Variants in CFAP69 observed in about 807,000 individuals in gnomAD.
CFAP69 encodes cilia and flagella associated protein 69, also known as cilia- and flagella-associated protein 69.
In CFAP69, 92 loss-of-function variants were observed where a neutral mutation model predicts 123.0. That is an observed-to-expected ratio of 0.75 (90% CI 0.63 to 0.89). The LOEUF is 0.89. Among genes scored for constraint, CFAP69 ranks in the 40% least tolerant of loss-of-function variants. The probability of loss-of-function intolerance (pLI) is 0.00; values close to 1 mark genes in which losing one functional copy is unlikely to be tolerated. For synonymous variants in CFAP69, 380 were observed against 364.3 expected, an observed-to-expected ratio of 1.04 and a Z score of -0.49; for missense variants, 1,067 against 1,096.9, an observed-to-expected ratio of 0.97 and a Z score of 0.39.
At chr7:90,296,110 C>T (rs1163875505) in intron 15 of CFAP69, among the ~76,000 whole-genome samples, 1 of 152,172 alleles carries the variant, frequency 6.6e-6, no homozygotes, top group African/African-American at 2.4e-5. Flanking sequence ...CCTTATTTCA[C>T]CCAGCCCCTA....
At chr7:90,282,397 C>A (rs955907735) in intron 12 of CFAP69, among the ~76,000 whole-genome samples, 4 of 152,066 alleles carry the variant, frequency 2.6e-5, no homozygotes, top group Non-Finnish European at 5.9e-5. Flanking sequence ...TGTATAAACA[C>A]CTTGGAAAAC....
chr7:90,288,540 G>C (rs1179614609), intron 15 of CFAP69, among the ~76,000 whole-genome samples, 188 bp downstream of exon 15: 1 of 152,096 alleles, frequency 6.6e-6, no homozygotes, highest in Non-Finnish European at 1.5e-5. Context: ...TAGCCTAAAG[G>C]CTACAAACTG....
At chr7:90,245,626 A>G in intron 1 of CFAP69, 82 bp downstream of exon 1, 1 of 1,410,154 alleles carries the variant, frequency 7.1e-7, no homozygotes, top group Non-Finnish European at 9.3e-7. Flanking sequence ...GGGGGTGGCA[A>G]GGGTGGAACT....
chr7:90,288,462 A>G, intron 15 of CFAP69, 110 bp downstream of exon 15: 1 of 1,264,008 alleles, frequency 7.9e-7, no homozygotes, highest in Non-Finnish European at 1.1e-6. Context: ...CATCTTATGC[A>G]AACATTATAG....
At position 90,282,957 on chromosome 7, in the gene CFAP69, A is replaced by G. The variant is rs900141105; in HGVS notation, c.1438A>G (p.Met480Val). 1.2e-6 allele frequency: 2 copies of G among 1,600,562 alleles called. No individual in the cohort carries two copies. The highest frequency in any genetic ancestry group is 1.7e-5 in the Admixed American group (1 of 57,662). Residue 480 changes from methionine to valine, a missense_variant, in exon 13 of 23, where the codon ATG becomes GTG. Met to Val is a conservative substitution (Grantham distance 21, BLOSUM62 1). Transcript: ENST00000389297. ...TGGCCGAGGCAACAAGTTTGCCCAG[A>G]TGCGTTACAGTTTAAGACTCCTGAG... ...TGGRGNKFAQ[M>V]RYSLRLLRAV...
At chr7:90,267,732 C>T (rs1159067857) in intron 5 of CFAP69, among the ~76,000 whole-genome samples, 1 of 152,126 alleles carries the variant, frequency 6.6e-6, no homozygotes, top group Non-Finnish European at 1.5e-5. Context: ...GCAAAGAATG[C>T]ATTAGTAAAG....
downstream of CFAP69, among the ~76,000 whole-genome samples, chr7:90,311,706 T>C (rs921834340): frequency 6.6e-6 from 1 of 152,180 alleles, no homozygotes; most frequent in Non-Finnish European, 1.5e-5. Flanking sequence ...AGGTAGGGGT[T>C]GCAGCTCTTG....
At chr7:90,286,510 G>A (rs1191288640) in intron 14 of CFAP69, 111 bp downstream of exon 14, 36 of 1,148,598 alleles carry the variant, frequency 3.1e-5, no homozygotes, top group Non-Finnish European at 4.4e-5. Flanking sequence ...TAATATTTTT[G>A]TTAATAATTA....
chr7:90,264,713 C>G (rs541366164), intron 4 of CFAP69, among the ~76,000 whole-genome samples: 1 of 152,014 alleles, frequency 6.6e-6, no homozygotes, highest in Non-Finnish European at 1.5e-5. Context: ...GCTTTCTTAA[C>G]CTATGCCTTT....
intron 15 of CFAP69, among the ~76,000 whole-genome samples, chr7:90,292,106 T>C (rs1386874421): frequency 6.6e-6 from 1 of 152,250 alleles, no homozygotes; most frequent in Non-Finnish European, 1.5e-5. Flanking sequence ...TGCTTTATTA[T>C]ACTTGGCCTG....
intron 3 of CFAP69, among the ~76,000 whole-genome samples, chr7:90,259,647 A>G (rs532184496): frequency 4.0e-5 from 6 of 151,778 alleles, no homozygotes; most frequent in Admixed American, 3.9e-4. Context: ...TGCACCCACC[A>G]CACCCAGTTA....
At chr7:90,299,796 CTT>C in intron 16 of CFAP69, 69 bp from the exon 17 acceptor site, 10 of 1,008,716 alleles carry the variant, frequency 9.9e-6, no homozygotes, top group East Asian at 3.1e-5. Flanking sequence ...GTGTTTCTCT[CTT>C]TTTTTTTTGA....
At chr7:90,298,831 G>C (rs2117315784) in intron 16 of CFAP69, among the ~76,000 whole-genome samples, 1 of 152,158 alleles carries the variant, frequency 6.6e-6, no homozygotes, top group Admixed American at 6.5e-5. Flanking sequence ...ATTTAATGCT[G>C]ATTCAACCAA....
downstream of CFAP69, among the ~76,000 whole-genome samples, chr7:90,315,605 G>C (rs534301500): frequency 2.0e-5 from 3 of 152,256 alleles, no homozygotes; most frequent in South Asian, 2.1e-4. Flanking sequence ...TACTTGATTG[G>C]TGGAGAGTGG....
chr7:90,258,255 A>G lies in CFAP69; in HGVS notation c.246+92A>G, dbSNP rs1177850161. On this transcript the variant is annotated intron_variant, in intron 3 of 22. Transcript: ENST00000389297. ...GTGTTAGTTTTCCATTGCTGTTGTA[A>G]CAAATTACCATAAATTTGATGGCTT... 4 of 883,860 alleles carry G rather than the reference A, an allele frequency of 4.5e-6. No individual in the cohort carries two copies. The East Asian group carries it at 8.1e-5, about 18-fold the overall frequency. The allele number at this position is 883,860 out of a possible 1,614,324, so 54.8% of individuals were successfully genotyped here.
At chr7:90,289,192 C>G (rs910120468) in intron 15 of CFAP69, among the ~76,000 whole-genome samples, 6 of 151,922 alleles carry the variant, frequency 3.9e-5, no homozygotes, top group African/African-American at 1.2e-4. Flanking sequence ...ATGCCCAGAT[C>G]TGGGCATTTT....
At position 90,277,058 on chromosome 7, in the gene CFAP69, A is replaced by G. The variant is rs370844980; in HGVS notation, c.985-15A>G. The G allele has an allele frequency of 2.6e-6, 4 of 1,521,134 alleles. No individual in the cohort carries two copies. The highest frequency in any genetic ancestry group is 2.5e-5 in the South Asian group (2 of 80,412). The allele number at this position is 1,521,134 out of a possible 1,614,324, so 94.2% of individuals were successfully genotyped here. Reference sequence around the variant, plus strand: ...ATTCATTCATCTTTCTGCTTATTTTATGTATTTATATTAGGAATGTGGCTT... The same window carrying G: ...ATTCATTCATCTTTCTGCTTATTTTGTGTATTTATATTAGGAATGTGGCTT... On this transcript the variant is annotated splice_polypyrimidine_tract_variant and intron_variant, in intron 9 of 22. Coordinates refer to ENST00000389297, the MANE Select transcript of CFAP69 (RefSeq NM_001039706.3).
Position 90,310,378 on chromosome 7 carries a change from CAT to C in CFAP69, c.*144_*145del, listed in dbSNP as rs1364850427. ...GTAAAATACTATAAAAATAAAAGGA[CAT>C]ATAATTTATTTTTATGGAAAACATC... On this transcript the variant is annotated 3_prime_UTR_variant, in exon 23 of 23. Coordinates refer to ENST00000389297, the MANE Select transcript of CFAP69 (RefSeq NM_001039706.3). The C allele has an allele frequency of 2.3e-6, 1 of 428,384 alleles. No homozygotes were observed. Among genetic ancestry groups the C allele is most frequent in the African/African-American group, 2.1e-5 (1 of 48,690 alleles). The allele number at this position is 428,384 out of a possible 1,614,324, so 26.5% of individuals were successfully genotyped here.
rs192024461 is a variant in CFAP69 at position 90,288,710 on chromosome 7, C to T, written c.1775+358C>T. ...TTGTATAGGGCACTTATAAATGGAG[C>T]TTGCAGTACCAGTTGCTGTGAGTGA... On this transcript the variant is annotated intron_variant, in intron 15 of 22. Transcript: ENST00000389297. Among the ~76,000 whole-genome samples the T allele has an allele frequency of 2.0e-5, 3 of 152,194 alleles. No homozygotes were observed. In the East Asian group the frequency reaches 5.8e-4, roughly 29 times the overall value.
Sources: allele counts gnomAD v4.1 joint callset (sites outside exome capture counted in the v4.1 genomes callset), GRCh38; gene constraint gnomAD v4.1.1; transcripts MANE v1.5; gene names NCBI Gene and HGNC (gene_info 2026-07-23, HGNC 2026-07-21).